Variants in TLL1 observed in about 807,000 individuals in gnomAD.
The protein encoded by TLL1 is tolloid-like protein 1.
In TLL1, 49 loss-of-function variants were observed where a neutral mutation model predicts 128.2. The observed-to-expected ratio is 0.38, with a 90% CI of 0.30 to 0.48. The LOEUF (loss-of-function observed/expected upper bound fraction) is 0.48, where lower values mean the gene tolerates loss of function less well. Among genes scored for constraint, TLL1 ranks in the 20% least tolerant of loss-of-function variants. The probability of loss-of-function intolerance (pLI) is 0.96; values close to 1 mark genes in which losing one functional copy is unlikely to be tolerated. For missense variants in TLL1, 1,123 were observed against 1,242.0 expected, an observed-to-expected ratio of 0.90 and a Z score of 1.44; for synonymous variants, 454 against 418.8, an observed-to-expected ratio of 1.08 and a Z score of -1.03.
intron 1 of TLL1, among the ~76,000 whole-genome samples, chr4:165,982,016 C>T (rs1055241261): frequency 9.2e-5 from 14 of 152,076 alleles, no homozygotes; most frequent in African/African-American, 3.1e-4. Flanking sequence ...AATAATTTTG[C>T]TTTAAGAAAT....
chr4:165,919,382 CAAAAA>C (rs1163238067), intron 1 of TLL1, among the ~76,000 whole-genome samples: 2 of 75,238 alleles, frequency 2.7e-5, no homozygotes, highest in Non-Finnish European at 5.8e-5. Context: ...GACCCTGCTT[CAAAAA>C]AAAAAAAAAA....
chr4:165,989,380 G>T lies in TLL1; in HGVS notation c.170-1G>T. 1 of 1,604,894 alleles carries T rather than the reference G, an allele frequency of 6.2e-7. No individual in the cohort carries two copies. The highest frequency in any genetic ancestry group is 8.5e-7 in the Non-Finnish European group (1 of 1,173,046). ...TTTTAATTCAACTTTTCTTTTTTTA[G>T]CTGTATTTTGGGGCGATATTGCCTT... On this transcript the variant is annotated splice_acceptor_variant, in intron 1 of 20. Transcript: ENST00000061240. LOFTEE classifies it high-confidence loss of function.
At chr4:165,975,933 G>C (rs1735856562) in intron 1 of TLL1, among the ~76,000 whole-genome samples, 5 of 149,746 alleles carry the variant, frequency 3.3e-5, no homozygotes, top group Admixed American at 2.0e-4. Flanking sequence ...GGCTACTCAG[G>C]AGGCTGAGAC....
intron 13 of TLL1, 43 bp downstream of exon 13, chr4:166,055,314 G>A: frequency 6.4e-7 from 1 of 1,558,594 alleles, no homozygotes; most frequent in Non-Finnish European, 8.8e-7. Flanking sequence ...TCTTTATCAA[G>A]GATACTTGTA....
chr4:166,031,976 A>G (rs1738790096), intron 9 of TLL1, among the ~76,000 whole-genome samples: 1 of 152,146 alleles, frequency 6.6e-6, no homozygotes, highest in South Asian at 2.1e-4. Flanking sequence ...TTCATATTAC[A>G]AAGAAATTGA....
chr4:166,097,597 CAT>C (rs1168039348), intron 19 of TLL1, among the ~76,000 whole-genome samples: 2 of 152,056 alleles, frequency 1.3e-5, no homozygotes, highest in African/African-American at 4.8e-5. Flanking sequence ...TGAATTCAGA[CAT>C]ATGTGAAAGG....
intron 1 of TLL1, among the ~76,000 whole-genome samples, chr4:165,918,533 A>G (rs1190591585): frequency 6.6e-6 from 1 of 152,128 alleles, no homozygotes; most frequent in Non-Finnish European, 1.5e-5. Context: ...GTGATCCTAC[A>G]ATGATATCAA....
At chr4:165,995,254 G>C (rs1289166448) in intron 5 of TLL1, 76 bp downstream of exon 5, 1 of 1,084,702 alleles carries the variant, frequency 9.2e-7, no homozygotes, top group African/African-American at 1.6e-5. Flanking sequence ...CCATAGGTAA[G>C]ATTTATTTCT....
intron 1 of TLL1, 50 bp from the exon 2 acceptor site, chr4:165,989,331 T>C: frequency 7.4e-7 from 1 of 1,344,360 alleles, no homozygotes; most frequent in East Asian, 2.3e-5. Context: ...TTTGTGTGTA[T>C]TGATTTCACG....
chr4:165,890,176 G>C (rs1731335117), intron 1 of TLL1, among the ~76,000 whole-genome samples: 1 of 152,144 alleles, frequency 6.6e-6, no homozygotes, highest in South Asian at 2.1e-4. Context: ...CTGCCCCCAT[G>C]ATTCAATTAA....
intron 12 of TLL1, among the ~76,000 whole-genome samples, chr4:166,047,521 ATAT>A (rs1739517235): frequency 6.7e-6 from 1 of 148,294 alleles, no homozygotes; most frequent in African/African-American, 2.5e-5. Flanking sequence ...ATATTATATT[ATAT>A]TATTATTCTT....
At chr4:165,890,992 G>A (rs1430134982) in intron 1 of TLL1, among the ~76,000 whole-genome samples, 4 of 152,214 alleles carry the variant, frequency 2.6e-5, no homozygotes, top group African/African-American at 9.7e-5. Flanking sequence ...CCAGACCTCA[G>A]TTCTTGACTT....
At chr4:165,976,055 A>AAAAAT (rs1735868496) in intron 1 of TLL1, among the ~76,000 whole-genome samples, 1 of 149,508 alleles carries the variant, frequency 6.7e-6, no homozygotes, top group African/African-American at 2.5e-5. Context: ...AAAAAAAAAA[A>AAAAAT]AAAGATTATA....
Position 165,972,580 on chromosome 4 carries a change from A to G in TLL1, c.170-16801A>G, listed in dbSNP as rs144240881. Among the ~76,000 whole-genome samples, 163 of 152,162 alleles carry G rather than the reference A, an allele frequency of 1.1e-3. 2 individuals are homozygous for G. The highest frequency in any genetic ancestry group is 3.9e-3 in the African/African-American group (160 of 41,508). ...ATTCTTTTGATTGTACACCCTGAAT[A>G]ATACTCTTGGTTGACTGTCTGTCTA... is the stretch of plus-strand genomic sequence containing the variant. On this transcript the variant is annotated intron_variant, in intron 1 of 20. Transcript: ENST00000061240.
chr4:165,899,243 CT>C (rs56864466), intron 1 of TLL1, among the ~76,000 whole-genome samples: 1,828 of 151,746 alleles, frequency 0.012, 33 homozygotes, highest in African/African-American at 0.04. Flanking sequence ...ATCTTAGTTA[CT>C]TTTTTTTGTC....
intron 1 of TLL1, among the ~76,000 whole-genome samples, chr4:165,892,094 G>C (rs2069989585): frequency 6.6e-6 from 1 of 152,242 alleles, no homozygotes; most frequent in Non-Finnish European, 1.5e-5. Flanking sequence ...GAGAAGTGCA[G>C]AGTGAAGCAG....
intron 9 of TLL1, among the ~76,000 whole-genome samples, chr4:166,037,795 T>G (rs1739067863): frequency 6.6e-6 from 1 of 151,722 alleles, no homozygotes; most frequent in African/African-American, 2.4e-5. Flanking sequence ...GTGACAAGAG[T>G]GAAACTCTGT....
chr4:165,895,623 A>G (rs1462483501), intron 1 of TLL1, among the ~76,000 whole-genome samples: 1 of 134,906 alleles, frequency 7.4e-6, no homozygotes, highest in Non-Finnish European at 1.5e-5. Flanking sequence ...AAGCTCAGTA[A>G]GACTTTTTGT....
chr4:166,005,794 G>A (rs1199661884), intron 6 of TLL1, among the ~76,000 whole-genome samples: 1 of 151,710 alleles, frequency 6.6e-6, no homozygotes, highest in Non-Finnish European at 1.5e-5. Context: ...TTCAAAAATG[G>A]TTTTTACTCT....
Sources: allele counts gnomAD v4.1 joint callset (sites outside exome capture counted in the v4.1 genomes callset), GRCh38; gene constraint gnomAD v4.1.1; transcripts MANE v1.5; gene names NCBI Gene and HGNC (gene_info 2026-07-23, HGNC 2026-07-21).